Variants in GBE1 observed in about 807,000 individuals in gnomAD.
The protein encoded by GBE1 is 1,4-alpha-glucan branching enzyme 1.
GBE1 carries 70 observed loss-of-function variants against 88.8 expected under a neutral mutation model. That is an observed-to-expected ratio of 0.79 (90% CI 0.65 to 0.96). The LOEUF is 0.96. Ranked by LOEUF, GBE1 falls within the 40% of genes least tolerant of loss-of-function variation. GBE1 has a pLI of 0.00. For synonymous variants in GBE1, 284 were observed against 300.1 expected, an observed-to-expected ratio of 0.95 and a Z score of 0.56; for missense variants, 872 against 871.0, an observed-to-expected ratio of 1.00 and a Z score of -0.01.
chr3:81,723,121 T>C (rs1351606534), intron 1 of GBE1, among the ~76,000 whole-genome samples: 2 of 151,814 alleles, frequency 1.3e-5, no homozygotes, highest in African/African-American at 2.4e-5. Context: ...TTCTCTAGTG[T>C]TATTTGCTCA....
rs745815258 is a variant in GBE1 at position 81,586,204 on chromosome 3, C to T, written c.1237-14G>A. 31 of 1,520,842 alleles carry T rather than the reference C, an allele frequency of 2.0e-5. No homozygotes were observed. The highest frequency in any genetic ancestry group is 7.0e-5 in the African/African-American group (5 of 71,844). The allele number at this position is 1,520,842 out of a possible 1,614,324, so 94.2% of individuals were successfully genotyped here. ...TCCTGATACATCCTACAACAAAGAA[C>T]GTCGGTTCATAATGATCAAACTTTT... On this transcript the variant is annotated splice_polypyrimidine_tract_variant and intron_variant, in intron 9 of 15. Coordinates refer to ENST00000429644, the MANE Select transcript of GBE1 (RefSeq NM_000158.4).
At chr3:81,585,960 A>C in intron 10 of GBE1, 132 bp downstream of exon 10, 1 of 546,576 alleles carries the variant, frequency 1.8e-6, no homozygotes, top group Non-Finnish European at 3.1e-6. Flanking sequence ...ATAAGAATCG[A>C]CAGACTAATG....
At chr3:81,716,772 CTG>C (rs1705943410) in intron 1 of GBE1, among the ~76,000 whole-genome samples, 1 of 152,170 alleles carries the variant, frequency 6.6e-6, no homozygotes, top group South Asian at 2.1e-4. Context: ...ATTTTAATCA[CTG>C]TGCCTTGTCT....
intron 12 of GBE1, among the ~76,000 whole-genome samples, chr3:81,572,698 T>C (rs188549551): frequency 5.3e-5 from 8 of 152,352 alleles, no homozygotes; most frequent in African/African-American, 1.9e-4. Context: ...ATGAATTAAA[T>C]ATTTGGTTTC....
chr3:81,549,917 C>T (rs1350113959), intron 12 of GBE1, among the ~76,000 whole-genome samples: 3 of 151,368 alleles, frequency 2.0e-5, no homozygotes, highest in Non-Finnish European at 4.4e-5. Context: ...CTAGTCTCAT[C>T]GGTTGTTTTT....
chr3:81,697,092 C>G (rs1401337159), intron 2 of GBE1, among the ~76,000 whole-genome samples: 2 of 152,116 alleles, frequency 1.3e-5, no homozygotes, highest in East Asian at 3.9e-4. Flanking sequence ...CCCCCCACAC[C>G]AGTAAACAGC....
At chr3:81,755,200 CA>C (rs1025412723) in intron 1 of GBE1, among the ~76,000 whole-genome samples, 1 of 151,990 alleles carries the variant, frequency 6.6e-6, no homozygotes, top group African/African-American at 2.4e-5. Flanking sequence ...AAATGGCCGA[CA>C]GGTGTATGAA....
At chr3:81,495,370 C>A (rs1702488381) in intron 15 of GBE1, among the ~76,000 whole-genome samples, 1 of 152,138 alleles carries the variant, frequency 6.6e-6, no homozygotes, top group Non-Finnish European at 1.5e-5. Flanking sequence ...GCCTGGGCAA[C>A]AGAGTGAGAC....
At chr3:81,630,445 T>C (rs546682454) in intron 7 of GBE1, among the ~76,000 whole-genome samples, 28 of 152,222 alleles carry the variant, frequency 1.8e-4, no homozygotes, top group Non-Finnish European at 3.2e-4. Flanking sequence ...GAGCCCGCAT[T>C]GCCAAGTCAA....
chr3:81,672,696 G>A (rs886397637), intron 2 of GBE1, among the ~76,000 whole-genome samples: 1 of 151,884 alleles, frequency 6.6e-6, no homozygotes, highest in African/African-American at 2.4e-5. Flanking sequence ...TTTTGTTAAA[G>A]TGAGTTGTAT....
intron 7 of GBE1, among the ~76,000 whole-genome samples, chr3:81,638,847 G>A (rs2107051259): frequency 6.6e-6 from 1 of 152,236 alleles, no homozygotes; most frequent in East Asian, 1.9e-4. Flanking sequence ...GTGACATATA[G>A]ATAGGATAAA....
At chr3:81,519,759 T>A (rs140891385) in intron 14 of GBE1, among the ~76,000 whole-genome samples, 1,963 of 151,520 alleles carry the variant, frequency 0.013, 52 homozygotes, top group African/African-American at 0.046. Context: ...TTTTTCTTCT[T>A]GTGGAAGATG....
rs760216641 is a variant in GBE1 at position 81,705,525 on chromosome 3, C to T, written c.232G>A (p.Val78Ile). ...KFSRGYESFG[V>I]HRCADGGLYC... Reference sequence around the variant, plus strand: ...AAACCACCATCAGCACATCTGTGGACGCCAAATGATTCATAGCCTCTGGAA... The same window carrying T: ...AAACCACCATCAGCACATCTGTGGATGCCAAATGATTCATAGCCTCTGGAA... The change falls in exon 2 of 16, where the codon GTC becomes ATC. Residue 78 changes from valine to isoleucine, a missense_variant. Coordinates refer to ENST00000429644, the MANE Select transcript of GBE1 (RefSeq NM_000158.4). 5.4e-5 allele frequency: 87 copies of T among 1,601,744 alleles called. No individual in the cohort carries two copies. The highest frequency in any genetic ancestry group is 3.9e-4 in the South Asian group (35 of 88,638).
At chr3:81,717,386 T>C (rs1039971677) in intron 1 of GBE1, among the ~76,000 whole-genome samples, 1 of 152,228 alleles carries the variant, frequency 6.6e-6, no homozygotes, top group Non-Finnish European at 1.5e-5. Flanking sequence ...TGAGAATGTA[T>C]GGTCAACTAA....
intron 12 of GBE1, among the ~76,000 whole-genome samples, chr3:81,563,150 G>A (rs575605057): frequency 4.6e-5 from 7 of 152,066 alleles, no homozygotes; most frequent in African/African-American, 7.2e-5. Context: ...GGCAGAGTCC[G>A]GTATTCAGTC....
intron 1 of GBE1, among the ~76,000 whole-genome samples, chr3:81,728,834 G>A (rs1266780114): frequency 2.6e-5 from 4 of 151,766 alleles, no homozygotes; most frequent in African/African-American, 4.8e-5. Context: ...CTAATTAAAT[G>A]TTTCTCATTA....
intron 7 of GBE1, among the ~76,000 whole-genome samples, chr3:81,596,880 G>T (rs978270368): frequency 2.0e-5 from 3 of 151,922 alleles, no homozygotes; most frequent in African/African-American, 7.2e-5. Flanking sequence ...TTGAAATAGA[G>T]CAAGCTTAAA....
At chr3:81,531,270 G>T (rs1346049695) in intron 14 of GBE1, among the ~76,000 whole-genome samples, 1 of 151,962 alleles carries the variant, frequency 6.6e-6, no homozygotes, top group East Asian at 2.0e-4. Context: ...CCAGCTAGGA[G>T]CTAAGGCCTA....
chr3:81,514,960 T>A (rs28376847), intron 14 of GBE1, among the ~76,000 whole-genome samples: 3 of 151,454 alleles, frequency 2.0e-5, no homozygotes, highest in African/African-American at 7.3e-5. Flanking sequence ...TAAAACACAC[T>A]GGTATCAGGT....
Sources: gnomAD v4.1 joint callset for allele counts (sites outside exome capture counted in the v4.1 genomes callset) on GRCh38, gnomAD v4.1.1 for gene constraint, MANE v1.5 for transcripts, NCBI Gene and HGNC (gene_info 2026-07-23, HGNC 2026-07-21) for gene names.